EPN3: variants seen among roughly 807,000 people sequenced by gnomAD.
EPN3 encodes the protein epsin-3.
EPN3 carries 56 observed loss-of-function variants against 55.5 expected under a neutral mutation model. The ratio of observed to expected loss-of-function variants is 1.01; its 90% CI spans 0.81 to 1.26. EPN3 has a LOEUF of 1.26. Among genes scored for constraint, EPN3 ranks in the 50% most tolerant of loss-of-function variants. EPN3 has a pLI of 0.00. For missense variants in EPN3, 927 were observed against 853.4 expected (o/e 1.09, Z -1.07); for synonymous variants, 449 against 375.2 (o/e 1.20, Z -2.27).
At chr17:50,534,084 TCTGCGCTTGGGCAGGCTTCTTCCTTTC>T (rs1256665788) in intron 1 of EPN3, among the ~76,000 whole-genome samples, 55 of 27,088 alleles carry the variant, frequency 2.0e-3, no homozygotes, top group African/African-American at 0.017. Context: ...TCCTCCCTTC[TCTGCGCTTGGGCAGGCTTCTTCCTTTC>T]CTCCTCCCTT....
intron 5 of EPN3, among the ~76,000 whole-genome samples, chr17:50,539,574 C>T (rs1331271243): frequency 6.6e-6 from 1 of 152,206 alleles, no homozygotes; most frequent in Non-Finnish European, 1.5e-5. Context: ...TACTCTATGA[C>T]TTGGGGCATG....
intron 7 of EPN3, 64 bp downstream of exon 7, chr17:50,541,126 A>G: frequency 6.3e-7 from 1 of 1,584,912 alleles, no homozygotes; most frequent in Non-Finnish European, 8.6e-7. Context: ...GCCAAGGGGC[A>G]GCAGATACTG....
chr17:50,536,422 C>T lies in EPN3; in HGVS notation c.-135C>T. 6.6e-7 allele frequency: 1 copy of T among 1,512,194 alleles called. No homozygotes were observed. The highest frequency in any genetic ancestry group is 8.8e-7 in the Non-Finnish European group (1 of 1,140,780). The allele number at this position is 1,512,194 out of a possible 1,614,324, so 93.7% of individuals were successfully genotyped here. Reference sequence around the variant, plus strand: ...AGTTCCTGGCCCTCTCTTCCTCAGCCCCATGTGGAACCCAAGGATGCAGCT... The same window carrying T: ...AGTTCCTGGCCCTCTCTTCCTCAGCTCCATGTGGAACCCAAGGATGCAGCT... On this transcript the variant is annotated splice_region_variant and 5_prime_UTR_variant, in exon 2 of 10. Coordinates refer to ENST00000268933, the MANE Select transcript of EPN3 (RefSeq NM_017957.3).
In EPN3 at chr17:50,532,824, G is replaced by T; in HGVS notation, c.-298G>T. 1 of 1,211,494 alleles carries T rather than the reference G, an allele frequency of 8.3e-7. No homozygotes were observed. 75.0% of individuals were successfully genotyped at this position (1,211,494 alleles called of 1,614,324 possible). On this transcript the variant is annotated 5_prime_UTR_variant, in exon 1 of 10. Coordinates refer to ENST00000268933, the MANE Select transcript of EPN3 (RefSeq NM_017957.3). Reference sequence around the variant, plus strand: ...GACCCTGCCGCTGCCCCTCTGAGGGGTCTGCACCTCCTGGGAGCAGGTGGG... The same window carrying T: ...GACCCTGCCGCTGCCCCTCTGAGGGTTCTGCACCTCCTGGGAGCAGGTGGG...
At chr17:50,539,803 C>T (rs905824625) in intron 5 of EPN3, among the ~76,000 whole-genome samples, 2 of 152,224 alleles carry the variant, frequency 1.3e-5, no homozygotes, top group African/African-American at 2.4e-5. Flanking sequence ...ATGCCACGCC[C>T]GGGTGCTGTG....
chr17:50,541,587 G>C lies in EPN3; in HGVS notation c.1478G>C (p.Cys493Ser). The C allele has an allele frequency of 6.2e-7, 1 of 1,614,190 alleles. No individual in the cohort carries two copies. Among genetic ancestry groups the C allele is most frequent in the Non-Finnish European group, 8.5e-7 (1 of 1,180,032 alleles). The change falls in exon 9 of 10, where the codon TGC becomes TCC. Residue 493 changes from cysteine (C) to serine (S), a missense_variant. Coordinates refer to ENST00000268933, the MANE Select transcript of EPN3 (RefSeq NM_017957.3). Reference sequence around the variant, plus strand: ...CAGCCAAGCAAAGAGGCCCGAGCTTGCCGGACTCCCGAGTCCTTCCTGGGT... The same window carrying C: ...CAGCCAAGCAAAGAGGCCCGAGCTTCCCGGACTCCCGAGTCCTTCCTGGGT... ...LTQPSKEARA[C>S]RTPESFLGPS... is the part of the protein sequence containing the mutation.
intron 1 of EPN3, among the ~76,000 whole-genome samples, chr17:50,535,151 C>A (rs2144026679): frequency 6.6e-6 from 1 of 152,316 alleles, no homozygotes; most frequent in Non-Finnish European, 1.5e-5. Flanking sequence ...TGCTGGGGTA[C>A]CAGAGGTCCA....
chr17:50,539,413 C>T (rs2034814070), intron 5 of EPN3, 98 bp downstream of exon 5: 1 of 1,540,398 alleles, frequency 6.5e-7, no homozygotes, highest in Non-Finnish European at 8.8e-7. Flanking sequence ...ATATAGTAAG[C>T]ACTGATGTGT....
chr17:50,534,536 G>A, intron 1 of EPN3: 3 of 985,542 alleles, frequency 3.0e-6, no homozygotes, highest in Non-Finnish European at 3.6e-6. Context: ...GGTTGGGGAG[G>A]TGAAGGCAGG....
chr17:50,534,286 CTTCTGTGAGAAAGGTCCAG>C, intron 1 of EPN3: 1 of 455,834 alleles, frequency 2.2e-6, no homozygotes, highest in Non-Finnish European at 2.9e-6. Flanking sequence ...GAATGCCCAC[CTTCTGTGAGAAAGGTCCAG>C]GCAGGGCCGC....
chr17:50,537,519 C>A (rs868541518), intron 2 of EPN3: 6 of 244,798 alleles, frequency 2.5e-5, no homozygotes, highest in Middle Eastern at 1.5e-3. Flanking sequence ...TGAAATGAGA[C>A]CAGGTTCAGG....
Position 50,542,305 on chromosome 17 carries a change from G to C in EPN3, c.*148G>C. On this transcript the variant is annotated 3_prime_UTR_variant, in exon 10 of 10. Transcript: ENST00000268933. ...CGCGGCGGCTCTGGAAGCTGGACGC[G>C]GACCACGGCCCGGGAGCTAGAAACT... is the stretch of plus-strand genomic sequence containing the variant. 4 of 795,718 alleles carry C rather than the reference G, an allele frequency of 5.0e-6. No homozygotes were observed. Among genetic ancestry groups the C allele is most frequent in the Middle Eastern group, 4.0e-4 (1 of 2,484 alleles). The allele number at this position is 795,718 out of a possible 1,614,324, so 49.3% of individuals were successfully genotyped here. A position where few individuals can be genotyped will look rare whatever the true frequency, so the allele number is the denominator to read the frequency against.
At chr17:50,534,451 A>G in intron 1 of EPN3, 1 of 985,530 alleles carries the variant, frequency 1.0e-6, no homozygotes. Context: ...TCCAGCGGCC[A>G]GCCGGTAGGG....
Position 50,542,124 on chromosome 17 carries a change from G to A in EPN3, c.1866G>A (p.Pro622=), listed in dbSNP as rs1394526328. 7.2e-6 allele frequency: 11 copies of A among 1,522,058 alleles called. No individual in the cohort carries two copies. The East Asian group carries it at 1.0e-4, about 15-fold the overall frequency. The allele number at this position is 1,522,058 out of a possible 1,614,324, so 94.3% of individuals were successfully genotyped here. A position where few individuals can be genotyped will look rare whatever the true frequency, so the allele number is the denominator to read the frequency against. The change falls in exon 10 of 10, where the codon CCG becomes CCA. Residue 622 remains proline, a synonymous_variant. Transcript: ENST00000268933. ...CGAGCTCAGCCGGGCCGCGGCCCCC[G>A]CCCCCGCAGACCGGCACCAACCCCT... is the stretch of plus-strand genomic sequence containing the variant. ...PTPSSAGPRP[P]PPQTGTNPFL is the part of the protein sequence containing the mutation.
chr17:50,542,345 T>A lies in EPN3; in HGVS notation c.*188T>A. 1 of 561,518 alleles carries A rather than the reference T, an allele frequency of 1.8e-6. No homozygotes were observed. Among genetic ancestry groups the A allele is most frequent in the Non-Finnish European group, 2.8e-6 (1 of 351,932 alleles). 34.8% of individuals were successfully genotyped at this position (561,518 alleles called of 1,614,324 possible). On this transcript the variant is annotated 3_prime_UTR_variant, in exon 10 of 10. Coordinates refer to ENST00000268933, the MANE Select transcript of EPN3 (RefSeq NM_017957.3). ...AGCTAGAAACTGAACGCCCGCATAA[T>A]AAAGACTGGAACCCTCGTTCTCAGC...
chr17:50,532,836 T>C lies in EPN3; in HGVS notation c.-286T>C. 7.9e-7 allele frequency: 1 copy of C among 1,258,120 alleles called. No individual in the cohort carries two copies. Among genetic ancestry groups the C allele is most frequent in the Non-Finnish European group, 1.0e-6 (1 of 964,504 alleles). 77.9% of individuals were successfully genotyped at this position (1,258,120 alleles called of 1,614,324 possible). ...GCCCCTCTGAGGGGTCTGCACCTCCTGGGAGCAGGTGGGTCTCTGGGACGA... is the reference window on the plus strand; with the variant it reads ...GCCCCTCTGAGGGGTCTGCACCTCCCGGGAGCAGGTGGGTCTCTGGGACGA... On this transcript the variant is annotated 5_prime_UTR_variant, in exon 1 of 10. Transcript: ENST00000268933.
At chr17:50,533,068 C>T in intron 1 of EPN3, 83 bp downstream of exon 1, 2 of 876,900 alleles carry the variant, frequency 2.3e-6, no homozygotes, top group Non-Finnish European at 3.1e-6. Context: ...GGTTCTGGGG[C>T]TTAGTCTCTT....
In EPN3 at chr17:50,536,880, C is replaced by G. The variant is rs771463398; in HGVS notation, c.324C>G (p.Asp108Glu). ...TCTACACCATCCAGACACTCAAGGA[C>G]TTCCAGTACATCGACCGCGACGGCA... Reference protein sequence around the residue: ...ENLYTIQTLKDFQYIDRDGKD... With the variant: ...ENLYTIQTLKEFQYIDRDGKD... Residue 108 changes from aspartate to glutamate, a missense_variant, in exon 2 of 10, where the codon GAC (aspartate) becomes GAG (glutamate). By Grantham distance (45) the Asp-to-Glu change is conservative. Coordinates refer to ENST00000268933, the MANE Select transcript of EPN3 (RefSeq NM_017957.3). The G allele has an allele frequency of 1.2e-6, 2 of 1,614,174 alleles. No homozygotes were observed. The highest frequency in any genetic ancestry group is 1.7e-6 in the Non-Finnish European group (2 of 1,180,044).
chr17:50,533,898 C>T (rs2034718390), intron 1 of EPN3, among the ~76,000 whole-genome samples: 2 of 152,212 alleles, frequency 1.3e-5, no homozygotes, highest in Non-Finnish European at 2.9e-5. Context: ...GCAGTAATTC[C>T]ATACCCAGCT....
Sources: allele counts gnomAD v4.1 joint callset (sites outside exome capture counted in the v4.1 genomes callset), GRCh38; gene constraint gnomAD v4.1.1; transcripts MANE v1.5; gene names NCBI Gene and HGNC (gene_info 2026-07-23, HGNC 2026-07-21).